The following BCL2 variants were observed in gnomAD, a reference collection of about 807,000 sequenced individuals.
BCL2 encodes BCL2 apoptosis regulator.
BCL2 carries 1 observed loss-of-function variant against 14.2 expected under a neutral mutation model. The ratio of observed to expected loss-of-function variants is 0.07; its 90% CI spans 0.02 to 0.33. The LOEUF (loss-of-function observed/expected upper bound fraction) is 0.33, where lower values mean the gene tolerates loss of function less well. Among genes scored for constraint, BCL2 ranks in the 10% least tolerant of loss-of-function variants. The pLI, the probability that BCL2 is intolerant of heterozygous loss-of-function variation, is 0.99. For synonymous variants in BCL2, 151 were observed against 137.2 expected (o/e 1.10, Z -0.70); for missense variants, 247 against 305.9 (o/e 0.81, Z 1.44).
rs1568216474 is a variant in BCL2, at chr18:63,150,000, C to G, written c.586-21241G>C. ...GTTCAAGCAATTCTCCTGCCTCAGT[C>G]TTCCCGAATGGCTGGGATTACAGGC... On this transcript the variant is annotated intron_variant, in intron 2 of 2. Transcript: ENST00000333681. The surrounding 1 kb of genome is among the most constrained non-coding windows in gnomAD (Gnocchi z 4.2). 6.6e-6 allele frequency among the ~76,000 whole-genome samples: 1 copy of G among 152,160 alleles called. No individual in the cohort carries two copies. The highest frequency in any genetic ancestry group is 2.4e-5 in the African/African-American group (1 of 41,426).
intron 2 of BCL2, among the ~76,000 whole-genome samples, chr18:63,242,969 A>G (rs1163369619): frequency 2.6e-5 from 4 of 152,212 alleles, no homozygotes; most frequent in Non-Finnish European, 5.9e-5. Context: ...ACAAATTCCT[A>G]CACCTCAGTT....
At chr18:63,204,493 C>T (rs1377896339) in intron 2 of BCL2, among the ~76,000 whole-genome samples, 1 of 152,212 alleles carries the variant, frequency 6.6e-6, no homozygotes, top group Non-Finnish European at 1.5e-5. Flanking sequence ...ACTCTCCCAA[C>T]AACCTGCTAG....
At chr18:63,271,933 A>G (rs1912014333) in intron 2 of BCL2, among the ~76,000 whole-genome samples, 1 of 152,182 alleles carries the variant, frequency 6.6e-6, no homozygotes, top group Non-Finnish European at 1.5e-5. Context: ...GCAGGTACGT[A>G]AGAAGTTCCT....
chr18:63,281,353 T>TA (rs1912303193), intron 2 of BCL2, among the ~76,000 whole-genome samples: 1 of 152,108 alleles, frequency 6.6e-6, no homozygotes, highest in African/African-American at 2.4e-5. Context: ...TACCACAATT[T>TA]AAAAAAATTA....
chr18:63,302,748 T>C (rs945146227), intron 2 of BCL2: 2 of 985,416 alleles, frequency 2.0e-6, no homozygotes, highest in Non-Finnish European at 2.4e-6. Context: ...AGTAAGAGTT[T>C]CCTATCTTGT....
intron 2 of BCL2, among the ~76,000 whole-genome samples, chr18:63,168,346 TA>T (rs1915095829): frequency 6.6e-6 from 1 of 152,144 alleles, no homozygotes; most frequent in South Asian, 2.1e-4. Context: ...CTGGGCAACA[TA>T]GCAAGACCTC....
chr18:63,221,690 C>T (rs951138032), intron 2 of BCL2, among the ~76,000 whole-genome samples: 3 of 152,186 alleles, frequency 2.0e-5, no homozygotes, highest in African/African-American at 7.2e-5. Flanking sequence ...AAAAGTCACC[C>T]TAACCATGAA....
intron 2 of BCL2, among the ~76,000 whole-genome samples, chr18:63,180,439 G>A (rs1260300108): frequency 2.0e-5 from 3 of 152,230 alleles, no homozygotes; most frequent in Non-Finnish European, 2.9e-5. Context: ...CCGATTCCCC[G>A]GCTCTATGGG....
chr18:63,206,159 C>T (rs1599243983), intron 2 of BCL2, among the ~76,000 whole-genome samples: 1 of 152,206 alleles, frequency 6.6e-6, no homozygotes, highest in Non-Finnish European at 1.5e-5. Context: ...GGGATGTGCT[C>T]GGTAAGTGTG....
In BCL2 at chr18:63,274,962, T is replaced by C. The variant is rs528837967; in HGVS notation, c.585+43120A>G. 3.5e-3 allele frequency among the ~76,000 whole-genome samples: 540 copies of C among 152,282 alleles called. 3 individuals are homozygous for C. The highest frequency in any genetic ancestry group is 0.013 in the African/African-American group (529 of 41,556). ...TACATTCACGGGCCCAAACACCTAT[T>C]GACCAACACATCTAAGGACAGAAAT... On this transcript the variant is annotated intron_variant, in intron 2 of 2. Coordinates refer to ENST00000333681, the MANE Select transcript of BCL2 (RefSeq NM_000633.3).
intron 2 of BCL2, among the ~76,000 whole-genome samples, chr18:63,252,540 C>G (rs1315868144): frequency 2.6e-5 from 4 of 152,190 alleles, no homozygotes; most frequent in Non-Finnish European, 4.4e-5. Flanking sequence ...TCTTTCTGCA[C>G]TGTTCTCATG....
chr18:63,232,021 T>A (rs1784933647), intron 2 of BCL2, among the ~76,000 whole-genome samples: 1 of 151,816 alleles, frequency 6.6e-6, no homozygotes, highest in African/African-American at 2.4e-5. Context: ...CCCACACATG[T>A]GGGAATTTGG....
chr18:63,175,853 C>T (rs1915337604), intron 2 of BCL2, among the ~76,000 whole-genome samples: 1 of 152,178 alleles, frequency 6.6e-6, no homozygotes, highest in African/African-American at 2.4e-5. Context: ...CTCTGATCTC[C>T]AGCTTTCTAC....
chr18:63,317,610 G>A, intron 2 of BCL2: 1 of 1,000,552 alleles, frequency 1.0e-6, no homozygotes, highest in Middle Eastern at 5.0e-4. Context: ...TAATCGGGTT[G>A]TTCTCCAATT....
intron 2 of BCL2, among the ~76,000 whole-genome samples, chr18:63,252,597 T>A (rs955197134): frequency 4.6e-5 from 7 of 152,292 alleles, no homozygotes; most frequent in Admixed American, 3.9e-4. Flanking sequence ...AAATGGGAGT[T>A]CCCTGCACAA....
chr18:63,285,171 A>G (rs1226051006), intron 2 of BCL2, among the ~76,000 whole-genome samples: 1 of 152,186 alleles, frequency 6.6e-6, no homozygotes, highest in Non-Finnish European at 1.5e-5. Flanking sequence ...TGGAATAAGG[A>G]TTCTTTCTAA....
At chr18:63,249,644 A>C (rs1275320259) in intron 2 of BCL2, among the ~76,000 whole-genome samples, 1 of 146,990 alleles carries the variant, frequency 6.8e-6, no homozygotes, top group Non-Finnish European at 1.5e-5. Context: ...CAGGAGGCGG[A>C]AGTTGCAGTG....
chr18:63,212,356 A>G (rs892742289), intron 2 of BCL2, among the ~76,000 whole-genome samples: 1 of 151,292 alleles, frequency 6.6e-6, no homozygotes. Flanking sequence ...CAACAACAAA[A>G]AAAACACAAA....
At chr18:63,171,534 C>A (rs1398652376) in intron 2 of BCL2, among the ~76,000 whole-genome samples, 6 of 152,222 alleles carry the variant, frequency 3.9e-5, no homozygotes, top group African/African-American at 1.4e-4. Flanking sequence ...ATGTTACTGA[C>A]AATAACCAAC....
Sources: allele counts gnomAD v4.1 joint callset (sites outside exome capture counted in the v4.1 genomes callset), GRCh38; gene constraint gnomAD v4.1.1; non-coding constraint Gnocchi (gnomAD v3.1); transcripts MANE v1.5; gene names NCBI Gene and HGNC (gene_info 2026-07-23, HGNC 2026-07-21).